The following DCC variants were observed in gnomAD, a reference collection of about 807,000 sequenced individuals.
The protein encoded by DCC is DCC netrin 1 receptor.
DCC carries 58 observed loss-of-function variants against 172.5 expected under a neutral mutation model. The ratio of observed to expected loss-of-function variants is 0.34; its 90% CI spans 0.27 to 0.42. The LOEUF (loss-of-function observed/expected upper bound fraction) is 0.42. Ranked by LOEUF, DCC falls within the 10% of genes least tolerant of loss-of-function variation. The pLI is 1.00. For missense variants in DCC, 1,740 were observed against 1,791.0 expected, an observed-to-expected ratio of 0.97 and a Z score of 0.51; for synonymous variants, 709 against 644.5, an observed-to-expected ratio of 1.10 and a Z score of -1.52.
At chr18:52,443,619 T>C (rs930930636) in intron 1 of DCC, among the ~76,000 whole-genome samples, 2 of 152,134 alleles carry the variant, frequency 1.3e-5, no homozygotes, top group Admixed American at 6.5e-5. Context: ...GGAAAAATCA[T>C]GTCTTGATCA....
At chr18:53,240,971 G>A (rs1195616499) in intron 12 of DCC, among the ~76,000 whole-genome samples, 1 of 152,126 alleles carries the variant, frequency 6.6e-6, no homozygotes, top group Non-Finnish European at 1.5e-5. Context: ...TGCTCTTGGT[G>A]CAGAAGAGCC....
chr18:52,412,104 T>C (rs1986863756), intron 1 of DCC, among the ~76,000 whole-genome samples: 1 of 152,158 alleles, frequency 6.6e-6, no homozygotes, highest in African/African-American at 2.4e-5. Flanking sequence ...TATACTGCAA[T>C]GTATAATGAC....
chr18:52,400,933 A>T (rs1598786956), intron 1 of DCC, among the ~76,000 whole-genome samples: 1 of 151,328 alleles, frequency 6.6e-6, no homozygotes, highest in Non-Finnish European at 1.5e-5. Context: ...TCACACACCA[A>T]GGCCTGTTGA....
At chr18:53,005,556 A>T (rs1018756161) in intron 5 of DCC, among the ~76,000 whole-genome samples, 10 of 152,234 alleles carry the variant, frequency 6.6e-5, no homozygotes, top group Admixed American at 2.6e-4. Context: ...AACATGACGA[A>T]ACCCCATCTC....
intron 2 of DCC, among the ~76,000 whole-genome samples, chr18:52,864,144 G>A (rs1259692228): frequency 1.3e-5 from 2 of 152,264 alleles, no homozygotes; most frequent in East Asian, 3.9e-4. Flanking sequence ...AAACTCACTA[G>A]TTTAAAAGGG....
chr18:53,274,607 T>C (rs994429683), intron 12 of DCC, among the ~76,000 whole-genome samples: 1 of 152,122 alleles, frequency 6.6e-6, no homozygotes, highest in Non-Finnish European at 1.5e-5. Flanking sequence ...TAGAATTAGA[T>C]TGGTTTTTTA....
intron 1 of DCC, among the ~76,000 whole-genome samples, chr18:52,724,354 G>T (rs75624963): frequency 0.07 from 10,624 of 151,846 alleles, 504 homozygotes; most frequent in South Asian, 0.16. Context: ...TTACTATGTT[G>T]CCCGGGCTGG....
chr18:52,669,171 T>C (rs2035507937), intron 1 of DCC, among the ~76,000 whole-genome samples: 1 of 152,102 alleles, frequency 6.6e-6, no homozygotes, highest in African/African-American at 2.4e-5. Flanking sequence ...TTGTGCTGAG[T>C]CTGTTCCTGG....
intron 24 of DCC, among the ~76,000 whole-genome samples, chr18:53,462,561 A>G (rs1568147725): frequency 6.6e-6 from 1 of 152,032 alleles, no homozygotes; most frequent in Non-Finnish European, 1.5e-5. Flanking sequence ...TTATTCCATT[A>G]TATATTACAA....
At chr18:53,344,694 C>A (rs1311655685) in intron 15 of DCC, among the ~76,000 whole-genome samples, 3 of 151,552 alleles carry the variant, frequency 2.0e-5, no homozygotes, top group Non-Finnish European at 4.4e-5. Context: ...TCCACCTCAG[C>A]CTCTCAAGTG....
rs79795509 is a variant in DCC, at chr18:53,148,487, C to T, written c.1262-8869C>T. 5.7e-3 allele frequency among the ~76,000 whole-genome samples: 863 copies of T among 152,082 alleles called. 6 individuals are homozygous for T. The highest frequency in any genetic ancestry group is 0.023 in the Admixed American group (353 of 15,248). Reference sequence around the variant, plus strand: ...CTCAAGGGAAAGGGTGGAAACAAAGCGAGCTGCAATTGGGTAGAAGCATAA... The same window carrying T: ...CTCAAGGGAAAGGGTGGAAACAAAGTGAGCTGCAATTGGGTAGAAGCATAA... On this transcript the variant is annotated intron_variant, in intron 7 of 28. Coordinates refer to ENST00000442544, the MANE Select transcript of DCC (RefSeq NM_005215.4).
At chr18:52,777,046 A>G (rs1263307066) in intron 2 of DCC, among the ~76,000 whole-genome samples, 1 of 151,998 alleles carries the variant, frequency 6.6e-6, no homozygotes, top group Non-Finnish European at 1.5e-5. Flanking sequence ...CCATTATGGG[A>G]TTTTTTGCAT....
intron 12 of DCC, among the ~76,000 whole-genome samples, chr18:53,304,146 G>T (rs947757456): frequency 6.6e-6 from 1 of 152,108 alleles, no homozygotes; most frequent in African/African-American, 2.4e-5. Flanking sequence ...TGGGGTTTGG[G>T]GTTAATATGG....
At chr18:52,517,750 T>C (rs1341327418) in intron 1 of DCC, among the ~76,000 whole-genome samples, 1 of 152,156 alleles carries the variant, frequency 6.6e-6, no homozygotes, top group Non-Finnish European at 1.5e-5. Flanking sequence ...TTGTTCCCAC[T>C]TTTCTAATTC....
intron 27 of DCC, among the ~76,000 whole-genome samples, chr18:53,510,557 G>A (rs2046238334): frequency 6.6e-6 from 1 of 152,114 alleles, no homozygotes; most frequent in African/African-American, 2.4e-5. Context: ...TTGAGAGAAA[G>A]GAGTGCAAAA....
intron 12 of DCC, among the ~76,000 whole-genome samples, chr18:53,247,486 C>A (rs1015147201): frequency 6.6e-6 from 1 of 151,862 alleles, no homozygotes; most frequent in Non-Finnish European, 1.5e-5. Flanking sequence ...CTTACTCTTA[C>A]GAATAGGAAA....
chr18:52,849,861 C>A (rs1221424017), intron 2 of DCC, among the ~76,000 whole-genome samples: 1 of 152,244 alleles, frequency 6.6e-6, no homozygotes, highest in East Asian at 1.9e-4. Context: ...AGTACATGGG[C>A]TTTTCCACTT....
intron 21 of DCC, among the ~76,000 whole-genome samples, chr18:53,426,675 C>T (rs1245417990): frequency 6.6e-6 from 1 of 151,592 alleles, no homozygotes; most frequent in East Asian, 1.9e-4. Flanking sequence ...TTGGAAATTA[C>T]CATATGGTTG....
chr18:52,698,672 C>A (rs1035751352), intron 1 of DCC, among the ~76,000 whole-genome samples: 1 of 151,958 alleles, frequency 6.6e-6, no homozygotes, highest in African/African-American at 2.4e-5. Context: ...AACCTCTGCT[C>A]ACTGCAACCT....
Sources: allele counts gnomAD v4.1 joint callset (sites outside exome capture counted in the v4.1 genomes callset), GRCh38; gene constraint gnomAD v4.1.1; transcripts MANE v1.5; gene names NCBI Gene and HGNC (gene_info 2026-07-23, HGNC 2026-07-21).